The following RANBP2 variants were observed in gnomAD, a reference collection of about 807,000 sequenced individuals.
RANBP2 encodes E3 SUMO-protein ligase RanBP2.
RANBP2 carries 57 observed loss-of-function variants against 303.6 expected under a neutral mutation model. That is an observed-to-expected ratio of 0.19 (90% CI 0.15 to 0.23). RANBP2 has a LOEUF of 0.23. RANBP2 is among the 10% of genes least tolerant of loss of function. The pLI is 1.00. For missense variants in RANBP2, 3,138 were observed against 3,780.8 expected (o/e 0.83, Z 4.46); for synonymous variants, 1,167 against 1,301.5 (o/e 0.90, Z 2.23).
the RANBP2 span, among the ~76,000 whole-genome samples, chr2:109,323,977 C>T: frequency 6.6e-6 from 1 of 152,202 alleles, no homozygotes; most frequent in Non-Finnish European, 1.5e-5. Context: ...TGTTCCCCTT[C>T]CCCCAGCCCC....
At chr2:109,667,932 T>G in the RANBP2 span, 1 of 193,746 alleles carries the variant, frequency 5.2e-6, no homozygotes, top group Non-Finnish European at 1.1e-5. Flanking sequence ...AAGAAGCTCT[T>G]CTGAATTCAG....
intron 7 of RANBP2, among the ~76,000 whole-genome samples, chr2:108,745,920 T>C (rs1242065930): frequency 6.6e-6 from 1 of 151,536 alleles, no homozygotes; most frequent in African/African-American, 2.4e-5. Context: ...TTTTTTCTTT[T>C]TTTGGAGATA....
intron 6 of RANBP2, among the ~76,000 whole-genome samples, chr2:108,738,728 A>G (rs1695830493): frequency 6.7e-6 from 1 of 149,300 alleles, no homozygotes; most frequent in Non-Finnish European, 1.5e-5. Context: ...TCCCAGGTTC[A>G]AGCAATTCTC....
At chr2:109,170,106 C>T in the RANBP2 span, among the ~76,000 whole-genome samples, 53 of 152,198 alleles carry the variant, frequency 3.5e-4, no homozygotes, top group Non-Finnish European at 1.2e-4. Flanking sequence ...CTACAAGTTT[C>T]CTTAGGCTAT....
chr2:109,324,653 C>CT, the RANBP2 span, among the ~76,000 whole-genome samples: 7 of 152,186 alleles, frequency 4.6e-5, no homozygotes, highest in Admixed American at 3.9e-4. Context: ...GAAGTTGATC[C>CT]TTTCTCCTGG....
chr2:108,811,039 C>T, the RANBP2 span, among the ~76,000 whole-genome samples: 2 of 151,762 alleles, frequency 1.3e-5, no homozygotes, highest in South Asian at 4.2e-4. Context: ...TGTAATGTCT[C>T]CCTTTTTGTT....
the RANBP2 span, chr2:108,791,633 A>G: frequency 6.3e-7 from 1 of 1,585,272 alleles, no homozygotes; most frequent in Non-Finnish European, 8.6e-7. Context: ...AAAGTGCTAT[A>G]GTAAACTTCT....
At position 108,772,544 on chromosome 2, in the gene RANBP2, C is replaced by T; in HGVS notation, c.8076C>T (p.Gly2692=). The change falls in exon 22 of 29, where the codon GGC becomes GGT. Residue 2692 remains glycine, a synonymous_variant. Coordinates refer to ENST00000283195, the MANE Select transcript of RANBP2 (RefSeq NM_006267.5). The stretch of plus-strand genomic sequence containing the variant: ...TTAATGGAAAACTATATTTGGATGG[C>T]TCAGAAAAATGTAGACCCTTGGAAG... ...KKLNGKLYLD[G]SEKCRPLEEN... 2 of 1,613,800 alleles carry T rather than the reference C, an allele frequency of 1.2e-6. No individual in the cohort carries two copies. The highest frequency in any genetic ancestry group is 1.7e-6 in the Non-Finnish European group (2 of 1,179,866).
the RANBP2 span, among the ~76,000 whole-genome samples, chr2:109,724,359 A>G: frequency 9.9e-5 from 15 of 152,218 alleles, 1 homozygote; most frequent in Admixed American, 2.6e-4. Flanking sequence ...TACTTTGGGC[A>G]GCATGGCCAT....
chr2:109,369,252 G>A, the RANBP2 span, among the ~76,000 whole-genome samples: 1 of 152,096 alleles, frequency 6.6e-6, no homozygotes, highest in Non-Finnish European at 1.5e-5. Context: ...AGAGGCTGAG[G>A]CAGGGGGAAT....
chr2:109,501,808 G>A, the RANBP2 span: 1 of 612,026 alleles, frequency 1.6e-6, no homozygotes, highest in Non-Finnish European at 2.9e-6. Flanking sequence ...CCCTGGCCCA[G>A]GGTGGGGGCC....
the RANBP2 span, among the ~76,000 whole-genome samples, chr2:109,148,308 C>T: frequency 3.9e-5 from 6 of 152,372 alleles, no homozygotes; most frequent in South Asian, 4.1e-4. Flanking sequence ...TCCACCGGGA[C>T]GGTGTGCTGC....
chr2:108,950,012 A>G, the RANBP2 span, among the ~76,000 whole-genome samples: 15 of 152,316 alleles, frequency 9.8e-5, no homozygotes, highest in African/African-American at 3.4e-4. Flanking sequence ...GGACAAATCA[A>G]TTGTCAGATG....
the RANBP2 span, among the ~76,000 whole-genome samples, chr2:109,596,022 CTTTAAG>C: frequency 6.6e-6 from 1 of 152,098 alleles, no homozygotes; most frequent in African/African-American, 2.4e-5. Context: ...AAGTATAGAA[CTTTAAG>C]TTTAATATTT....
chr2:109,444,203 A>T, the RANBP2 span, among the ~76,000 whole-genome samples: 1 of 152,390 alleles, frequency 6.6e-6, no homozygotes, highest in East Asian at 1.9e-4. Flanking sequence ...TTTGAGCTGA[A>T]TGAAATGAAA....
chr2:109,129,059 G>T, the RANBP2 span: 1 of 386,568 alleles, frequency 2.6e-6, no homozygotes, highest in Non-Finnish European at 5.1e-6. Context: ...CAGGCCAGGG[G>T]CGCATGGAGG....
chr2:109,481,469 G>C, the RANBP2 span, among the ~76,000 whole-genome samples: 7 of 152,186 alleles, frequency 4.6e-5, no homozygotes, highest in African/African-American at 9.7e-5. Flanking sequence ...ACTGGTCAAG[G>C]CTGGGCTATT....
chr2:109,379,786 G>A, the RANBP2 span, among the ~76,000 whole-genome samples: 1 of 152,020 alleles, frequency 6.6e-6, no homozygotes, highest in African/African-American at 2.4e-5. Flanking sequence ...GGTGAAGCCC[G>A]GTCATTGCCA....
the RANBP2 span, among the ~76,000 whole-genome samples, chr2:109,316,272 G>A: frequency 6.6e-6 from 1 of 152,144 alleles, no homozygotes; most frequent in Non-Finnish European, 1.5e-5. Flanking sequence ...TCAGTGCTGT[G>A]GGCCTCGGTC....
Sources: allele counts gnomAD v4.1 joint callset (sites outside exome capture counted in the v4.1 genomes callset), GRCh38; gene constraint gnomAD v4.1.1; transcripts MANE v1.5; gene names NCBI Gene and HGNC (gene_info 2026-07-23, HGNC 2026-07-21).